POLR1A: variants seen among roughly 807,000 people sequenced by gnomAD.
The protein encoded by POLR1A is RNA polymerase I subunit A, also known as DNA-directed RNA polymerase I subunit RPA1.
In POLR1A, 84 loss-of-function variants were observed where a neutral mutation model predicts 205.3. The ratio of observed to expected loss-of-function variants is 0.41; its 90% CI spans 0.34 to 0.49. The LOEUF (loss-of-function observed/expected upper bound fraction) is 0.49. Ranked by LOEUF, POLR1A falls within the 20% of genes least tolerant of loss-of-function variation. The pLI is 0.22. For synonymous variants in POLR1A, 799 were observed against 863.7 expected, an observed-to-expected ratio of 0.93 and a Z score of 1.31; for missense variants, 1,645 against 2,204.5, an observed-to-expected ratio of 0.75 and a Z score of 5.08.
intron 12 of POLR1A, 81 bp downstream of exon 12, chr2:86,074,949 G>A (rs761326074): frequency 1.3e-5 from 13 of 987,078 alleles, no homozygotes; most frequent in Middle Eastern, 3.1e-4. Flanking sequence ...AGTGCGCACC[G>A]GAGCCACACC....
chr2:86,054,073 C>A (rs1415988183), intron 15 of POLR1A, 67 bp downstream of exon 15: 1 of 1,503,254 alleles, frequency 6.7e-7, no homozygotes, highest in Non-Finnish European at 9.2e-7. Flanking sequence ...TTTCTGTCTC[C>A]ATTTTAAACC....
chr2:86,034,940 G>A (rs181636638), intron 27 of POLR1A, among the ~76,000 whole-genome samples: 2 of 152,060 alleles, frequency 1.3e-5, no homozygotes, highest in Admixed American at 6.5e-5. Flanking sequence ...GTGCGACCTC[G>A]GCTCACTGCA....
In POLR1A at chr2:86,028,828, A is replaced by T; in HGVS notation, c.4780-117T>A. 4.2e-6 allele frequency: 3 copies of T among 722,378 alleles called. No homozygotes were observed. The highest frequency in any genetic ancestry group is 7.3e-6 in the Non-Finnish European group (3 of 411,826). The allele number at this position is 722,378 out of a possible 1,614,324, so 44.7% of individuals were successfully genotyped here. A position where few individuals can be genotyped will look rare whatever the true frequency, so the allele number is the denominator to read the frequency against. On this transcript the variant is annotated intron_variant, in intron 31 of 33. Transcript: ENST00000263857. This position sits in a 1 kb window ranked among gnomAD's most constrained non-coding sequence, Gnocchi z 4.5. ...TGTGTCTGGCAGCTCGGTACAGCTGATGACAAAGTGGTCAAGAGGTGGCCC... is the reference window on the plus strand; with the variant it reads ...TGTGTCTGGCAGCTCGGTACAGCTGTTGACAAAGTGGTCAAGAGGTGGCCC...
chr2:86,029,549 T>C lies in POLR1A; in HGVS notation c.4779+647A>G, dbSNP rs889084557. Among the ~76,000 whole-genome samples the C allele has an allele frequency of 3.0e-4, 46 of 151,644 alleles. 1 individual carries two copies. Among genetic ancestry groups the C allele is most frequent in the African/African-American group, 1.0e-3 (42 of 41,282 alleles). Reference sequence around the variant, plus strand: ...AAGCAAACAGCATCTAGGCAGGTGATGCAGCAATGATTTCTCACAACTCTA... The same window carrying C: ...AAGCAAACAGCATCTAGGCAGGTGACGCAGCAATGATTTCTCACAACTCTA... On this transcript the variant is annotated intron_variant, in intron 31 of 33. Transcript: ENST00000263857.
Position 86,088,869 on chromosome 2 carries a change from A to G in POLR1A, c.542T>C (p.Val181Ala). The G allele has an allele frequency of 6.2e-7, 1 of 1,608,926 alleles. No homozygotes were observed. The highest frequency in any genetic ancestry group is 8.5e-7 in the Non-Finnish European group (1 of 1,177,240). ...GCTCTTGCTCTCACACACGTTCTTTACCTGTTTTTTTAAAAAAAGTCAGAG... is the reference window on the plus strand; with the variant it reads ...GCTCTTGCTCTCACACACGTTCTTTGCCTGTTTTTTTAAAAAAAGTCAGAG... ...NNLLGSQGAH[V>A]KNVCESKSKL... The change falls in exon 5 of 34, where the codon GTA becomes GCA. Residue 181 changes from valine (V) to alanine (A), a missense_variant and splice_region_variant. Val to Ala is a moderately conservative substitution (Grantham distance 64). Transcript: ENST00000263857.
chr2:86,063,467 C>A (rs1307312890), intron 14 of POLR1A, among the ~76,000 whole-genome samples: 2 of 150,104 alleles, frequency 1.3e-5, no homozygotes, highest in Admixed American at 6.7e-5. Flanking sequence ...ACTACACAAA[C>A]TCTTACAGAA....
At chr2:86,068,968 G>T (rs565647140) in intron 13 of POLR1A, among the ~76,000 whole-genome samples, 2 of 152,368 alleles carry the variant, frequency 1.3e-5, no homozygotes, top group Non-Finnish European at 2.9e-5. Flanking sequence ...CCATCTCTGT[G>T]GTAGCACAAA....
chr2:86,081,516 G>T, intron 8 of POLR1A, 85 bp downstream of exon 8: 1 of 789,774 alleles, frequency 1.3e-6, no homozygotes, highest in Non-Finnish European at 2.1e-6. Context: ...CAGTGCCCTT[G>T]GCCCTTTCAC....
intron 31 of POLR1A, 96 bp downstream of exon 31, chr2:86,030,100 A>G: frequency 1.0e-6 from 1 of 988,712 alleles, no homozygotes; most frequent in Non-Finnish European, 1.6e-6. Context: ...GGGCCAGAGT[A>G]AATCGCGTAG....
At chr2:86,055,149 G>T (rs1672874882) in intron 14 of POLR1A, among the ~76,000 whole-genome samples, 1 of 152,180 alleles carries the variant, frequency 6.6e-6, no homozygotes, top group Admixed American at 6.5e-5. Flanking sequence ...ACAAAATTTA[G>T]CCGGGCATGG....
At chr2:86,084,537 G>C (rs527694569) in intron 6 of POLR1A, among the ~76,000 whole-genome samples, 1 of 152,204 alleles carries the variant, frequency 6.6e-6, no homozygotes, top group South Asian at 2.1e-4. Flanking sequence ...CAGGCACTAT[G>C]CCTTGTCTGT....
intron 13 of POLR1A, among the ~76,000 whole-genome samples, chr2:86,067,568 C>A (rs1015583000): frequency 6.6e-5 from 10 of 151,960 alleles, no homozygotes; most frequent in African/African-American, 2.2e-4. Flanking sequence ...GTACATAAAA[C>A]CAACGACAAA....
In POLR1A at chr2:86,054,159, T is replaced by G; in HGVS notation, c.2189A>C (p.Asp730Ala). 2 of 1,613,952 alleles carry G rather than the reference T, an allele frequency of 1.2e-6. No homozygotes were observed. The highest frequency in any genetic ancestry group is 1.7e-6 in the Non-Finnish European group (2 of 1,179,868). ...CCATACCTGGGACTCGCACATCGAGTCAGGGTTAAAGCCAGGAACGGATCG... is the reference window on the plus strand; with the variant it reads ...CCATACCTGGGACTCGCACATCGAGGCAGGGTTAAAGCCAGGAACGGATCG... ...TPRSVPGFNP[D>A]SMCESQVIIR... The change falls in exon 15 of 34, where the codon GAC (aspartate) becomes GCC (alanine). Residue 730 changes from aspartate to alanine, a missense_variant. Asp to Ala is a moderately radical substitution (Grantham distance 126, BLOSUM62 -2). Around this residue, in one of 16 missense-constraint regions of POLR1A, gnomAD observed 339 missense variants for 415.1 expected, o/e 0.82. Coordinates refer to ENST00000263857, the MANE Select transcript of POLR1A (RefSeq NM_015425.6).
intron 31 of POLR1A, among the ~76,000 whole-genome samples, chr2:86,029,515 T>C (rs1011143258): frequency 2.0e-5 from 3 of 151,996 alleles, no homozygotes; most frequent in Admixed American, 1.3e-4. Flanking sequence ...GGACCCCCTT[T>C]ACCAGATAAA....
intron 6 of POLR1A, among the ~76,000 whole-genome samples, chr2:86,084,611 A>T (rs564594674): frequency 6.6e-6 from 1 of 152,176 alleles, no homozygotes; most frequent in Non-Finnish European, 1.5e-5. Flanking sequence ...ATACGGCTCA[A>T]ATATAAAATA....
intron 3 of POLR1A, among the ~76,000 whole-genome samples, chr2:86,091,282 T>C (rs557040716): frequency 6.6e-6 from 1 of 152,322 alleles, no homozygotes; most frequent in South Asian, 2.1e-4. Context: ...TTTACATTTA[T>C]TTTTATAATT....
chr2:86,024,471 C>G lies in POLR1A; in HGVS notation c.*2952G>C, dbSNP rs1193844011. The G allele has an allele frequency of 6.6e-6, 1 of 152,340 alleles. No homozygotes were observed. The highest frequency in any genetic ancestry group is 1.5e-5 in the Non-Finnish European group (1 of 68,156). The allele number at this position is 152,340 out of a possible 1,614,324, so 9.4% of individuals were successfully genotyped here. A position where few individuals can be genotyped will look rare whatever the true frequency, so the allele number is the denominator to read the frequency against. On this transcript the variant is annotated 3_prime_UTR_variant, in exon 34 of 34. Transcript: ENST00000263857. ...TTCAAGTTCCAGACTGGGGATGAGA[C>G]AAGGTGCTTCACCCCTTCCTCGGTT... is the stretch of plus-strand genomic sequence containing the variant.
chr2:86,039,771 C>A (rs964591201), intron 25 of POLR1A, among the ~76,000 whole-genome samples: 1 of 152,214 alleles, frequency 6.6e-6, no homozygotes, highest in African/African-American at 2.4e-5. Flanking sequence ...ACAAGCGATG[C>A]AGGGAAGGCA....
At chr2:86,038,902 G>C in intron 26 of POLR1A, 45 bp from the exon 27 acceptor site, 1 of 1,590,324 alleles carries the variant, frequency 6.3e-7, no homozygotes, top group Non-Finnish European at 8.6e-7. Flanking sequence ...TCAGGTCCTA[G>C]GTGACTGCGC....
Sources: gnomAD v4.1 joint callset for allele counts (sites outside exome capture counted in the v4.1 genomes callset) on GRCh38, gnomAD v4.1.1 for gene constraint, gnomAD v4.1.1 regional missense constraint, Gnocchi (gnomAD v3.1) non-coding constraint, MANE v1.5 for transcripts, NCBI Gene and HGNC (gene_info 2026-07-23, HGNC 2026-07-21) for gene names.